ESRRG: variants seen among roughly 807,000 people sequenced by gnomAD.
ESRRG encodes estrogen related receptor gamma.
A neutral mutation model predicts 44.0 loss-of-function variants in ESRRG; 13 were observed. That is an observed-to-expected ratio of 0.30 (90% CI 0.19 to 0.47). The LOEUF (loss-of-function observed/expected upper bound fraction) is 0.47, where lower values mean the gene tolerates loss of function less well. Among genes scored for constraint, ESRRG ranks in the 20% least tolerant of loss-of-function variants. ESRRG has a pLI of 1.00. For missense variants in ESRRG, 395 were observed against 580.6 expected (o/e 0.68, Z 3.29); for synonymous variants, 215 against 214.6 (o/e 1.00, Z -0.02).
chr1:216,707,508 G>A, intron 1 of ESRRG: 1 of 1,522,576 alleles, frequency 6.6e-7, no homozygotes, highest in South Asian at 1.2e-5. Flanking sequence ...AAACCAGAAA[G>A]TTAGGGTGAA....
chr1:217,035,155 T>A lies in ESRRG; in HGVS notation c.-106+54352A>T, dbSNP rs1235611595. ...AGTAGGAGTAATAATATCTACCTCA[T>A]CAGGATTGATGTGAGAATTAAACAG... On this transcript the variant is annotated intron_variant, in intron 1 of 7. Coordinates refer to the ESRRG transcript ENST00000359162. Among the ~76,000 whole-genome samples, 4 of 151,814 alleles carry A rather than the reference T, an allele frequency of 2.6e-5. No individual in the cohort carries two copies. In the South Asian group the frequency reaches 8.3e-4, roughly 32 times the overall value.
chr1:216,580,448 T>C (rs1238700157), intron 3 of ESRRG, among the ~76,000 whole-genome samples: 1 of 152,176 alleles, frequency 6.6e-6, no homozygotes, highest in African/African-American at 2.4e-5. Context: ...TTTTAACTAT[T>C]CATCATAGAT....
chr1:216,945,765 G>A (rs1424071220), intron 1 of ESRRG, among the ~76,000 whole-genome samples: 1 of 152,178 alleles, frequency 6.6e-6, no homozygotes, highest in Non-Finnish European at 1.5e-5. Context: ...ATAAAAAAGA[G>A]CCGACAGTGT....
chr1:217,068,356 T>G (rs2151425835), intron 1 of ESRRG, among the ~76,000 whole-genome samples: 1 of 149,934 alleles, frequency 6.7e-6, no homozygotes, highest in Non-Finnish European at 1.5e-5. Flanking sequence ...TAGGAGTCTT[T>G]TTTTTTTTTT....
chr1:216,524,228 T>C (rs1040170567), intron 5 of ESRRG, among the ~76,000 whole-genome samples: 6 of 138,660 alleles, frequency 4.3e-5, no homozygotes, highest in African/African-American at 1.7e-4. Context: ...TATATATATA[T>C]ACATATATAT....
chr1:217,096,352 C>G (rs1348484755), intron 1 of ESRRG, among the ~76,000 whole-genome samples: 1 of 152,226 alleles, frequency 6.6e-6, no homozygotes, highest in African/African-American at 2.4e-5. Flanking sequence ...CTACCAACTA[C>G]GTTCTCAGCT....
At chr1:216,513,719 C>A (rs2043372124) in intron 6 of ESRRG, among the ~76,000 whole-genome samples, 1 of 152,050 alleles carries the variant, frequency 6.6e-6, no homozygotes, top group Non-Finnish European at 1.5e-5. Flanking sequence ...TGGGATTTAC[C>A]TGCTAGGTCT....
Position 216,504,786 on chromosome 1 carries a change from A to C in ESRRG, c.*2153T>G, listed in dbSNP as rs1472620092. On this transcript the variant is annotated 3_prime_UTR_variant, in exon 7 of 7. Transcript: ENST00000408911. ...TCTATAATAAACCATTAGAGAAATTATTCCTTGTTTTGAAAATATTATTAT... is the reference window on the plus strand; with the variant it reads ...TCTATAATAAACCATTAGAGAAATTCTTCCTTGTTTTGAAAATATTATTAT... 6.6e-6 allele frequency: 1 copy of C among 152,606 alleles called. No individual in the cohort carries two copies. The highest frequency in any genetic ancestry group is 3.2e-3 in the Middle Eastern group (1 of 316). The allele number at this position is 152,606 out of a possible 1,614,324, so 9.5% of individuals were successfully genotyped here. A position where few individuals can be genotyped will look rare whatever the true frequency, so the allele number is the denominator to read the frequency against.
intron 1 of ESRRG, among the ~76,000 whole-genome samples, chr1:217,047,440 A>T (rs1336188923): frequency 1.3e-5 from 2 of 152,000 alleles, no homozygotes; most frequent in African/African-American, 4.8e-5. Flanking sequence ...AATTCACCTC[A>T]TCTAATTAAG....
intron 4 of ESRRG, among the ~76,000 whole-genome samples, chr1:216,566,370 G>A (rs1327096527): frequency 6.6e-6 from 1 of 152,160 alleles, no homozygotes; most frequent in Non-Finnish European, 1.5e-5. Flanking sequence ...TAGATAATGA[G>A]TAATGATTTA....
At chr1:216,657,605 T>C (rs2070966766) in intron 2 of ESRRG, among the ~76,000 whole-genome samples, 1 of 152,144 alleles carries the variant, frequency 6.6e-6, no homozygotes, top group Non-Finnish European at 1.5e-5. Flanking sequence ...TCTCAGGCTC[T>C]AAAAGAGGAT....
At chr1:216,938,399 T>C (rs1271932656) in intron 2 of ESRRG, among the ~76,000 whole-genome samples, 1 of 152,160 alleles carries the variant, frequency 6.6e-6, no homozygotes, top group Admixed American at 6.5e-5. Context: ...CAGAATCATG[T>C]AACTGAATGA....
chr1:216,986,586 G>C (rs2074911103), intron 1 of ESRRG, among the ~76,000 whole-genome samples: 1 of 151,782 alleles, frequency 6.6e-6, no homozygotes, highest in South Asian at 2.1e-4. Context: ...AATCAGCCTG[G>C]AGTGGCGGGG....
intron 1 of ESRRG, among the ~76,000 whole-genome samples, chr1:217,081,600 C>G (rs1249347480): frequency 6.6e-6 from 1 of 152,030 alleles, no homozygotes; most frequent in African/African-American, 2.4e-5. Flanking sequence ...TTCATTAGTT[C>G]TTTTTGTTTG....
intron 5 of ESRRG, among the ~76,000 whole-genome samples, chr1:216,529,296 T>C (rs2048582609): frequency 6.6e-6 from 1 of 152,180 alleles, no homozygotes. Context: ...CACATTATTT[T>C]GATATGAACT....
intron 1 of ESRRG, among the ~76,000 whole-genome samples, chr1:217,108,294 A>G (rs1291741075): frequency 6.6e-6 from 1 of 152,152 alleles, no homozygotes; most frequent in Non-Finnish European, 1.5e-5. Flanking sequence ...ATCTCCTCCT[A>G]AAATTTTTTC....
chr1:216,623,239 C>T (rs1365668296), intron 3 of ESRRG, among the ~76,000 whole-genome samples: 5 of 151,838 alleles, frequency 3.3e-5, no homozygotes, highest in East Asian at 1.9e-4. Flanking sequence ...CCCACCACCA[C>T]GCCCGGCTAA....
Position 216,505,049 on chromosome 1 carries a change from G to C in ESRRG, c.*1890C>G, listed in dbSNP as rs2040962443. The C allele has an allele frequency of 6.6e-6, 1 of 152,574 alleles. No individual in the cohort carries two copies. Among genetic ancestry groups the C allele is most frequent in the Admixed American group, 6.5e-5 (1 of 15,282 alleles). The allele number at this position is 152,574 out of a possible 1,614,324, so 9.5% of individuals were successfully genotyped here. On this transcript the variant is annotated 3_prime_UTR_variant, in exon 7 of 7. Coordinates refer to ENST00000408911, the MANE Select transcript of ESRRG (RefSeq NM_001438.4). ...TGAATGCAACATAAAATTCAGAAAA[G>C]CACAGCAAACATGAAACATTGAAAA...
intron 5 of ESRRG, among the ~76,000 whole-genome samples, chr1:216,535,561 T>C (rs2050695859): frequency 6.6e-6 from 1 of 152,146 alleles, no homozygotes; most frequent in Admixed American, 6.5e-5. Context: ...TAACACCTTC[T>C]CACTTGTCTG....
Sources: allele counts gnomAD v4.1 joint callset (sites outside exome capture counted in the v4.1 genomes callset), GRCh38; gene constraint gnomAD v4.1.1; transcripts MANE v1.5; gene names NCBI Gene and HGNC (gene_info 2026-07-23, HGNC 2026-07-21).